Variants in HDLBP observed in about 807,000 individuals in gnomAD.
The protein encoded by HDLBP is high density lipoprotein binding protein, also known as vigilin.
In HDLBP, 30 loss-of-function variants were observed where a neutral mutation model predicts 137.3. That is an observed-to-expected ratio of 0.22 (90% CI 0.16 to 0.30). HDLBP has a LOEUF of 0.30. Ranked by LOEUF, HDLBP falls within the 10% of genes least tolerant of loss-of-function variation. The pLI is 1.00. For missense variants in HDLBP, 1,119 were observed against 1,667.3 expected, an observed-to-expected ratio of 0.67 and a Z score of 5.73; for synonymous variants, 606 against 596.0, an observed-to-expected ratio of 1.02 and a Z score of -0.24.
Position 241,273,512 on chromosome 2 carries a change from C to T in HDLBP, c.-102-4971G>A, listed in dbSNP as rs544912641. 7 of 838,538 alleles carry T rather than the reference C, an allele frequency of 8.3e-6. No homozygotes were observed. In the South Asian group the frequency reaches 3.8e-4, roughly 45 times the overall value. The allele number at this position is 838,538 out of a possible 1,614,324, so 51.9% of individuals were successfully genotyped here. A position where few individuals can be genotyped will look rare whatever the true frequency, so the allele number is the denominator to read the frequency against. On this transcript the variant is annotated intron_variant, in intron 1 of 27. Coordinates refer to ENST00000310931, the MANE Select transcript of HDLBP (RefSeq NM_005336.6). ...GGAATCCCTACTCTCGGGGTCTCCA[C>T]CCTCCGGGAAGGACTTGTCACTTCT...
chr2:241,285,271 T>G (rs950146977), intron 1 of HDLBP, among the ~76,000 whole-genome samples: 7 of 152,256 alleles, frequency 4.6e-5, no homozygotes, highest in South Asian at 2.1e-4. Flanking sequence ...ACTCATGTGA[T>G]GTGCTTTATT....
intron 8 of HDLBP, 88 bp from the exon 9 acceptor site, chr2:241,255,246 C>T: frequency 7.0e-7 from 1 of 1,434,256 alleles, no homozygotes; most frequent in East Asian, 2.3e-5. Flanking sequence ...GGCTCAGAGG[C>T]ACGCTCTCCC....
At chr2:241,282,615 A>G (rs1187004686) in intron 1 of HDLBP, among the ~76,000 whole-genome samples, 1 of 152,226 alleles carries the variant, frequency 6.6e-6, no homozygotes, top group Non-Finnish European at 1.5e-5. Flanking sequence ...CTCTTTTCCA[A>G]CAGCACATTT....
intron 4 of HDLBP, 71 bp from the exon 5 acceptor site, chr2:241,262,997 CAT>C: frequency 8.5e-7 from 1 of 1,177,092 alleles, no homozygotes; most frequent in Non-Finnish European, 1.2e-6. Flanking sequence ...GAGTAAAGAA[CAT>C]GTGTTCATCA....
chr2:241,302,779 A>G (rs1165172932), intron 1 of HDLBP: 1 of 152,182 alleles, frequency 6.6e-6, no homozygotes, highest in East Asian at 1.9e-4. Context: ...TAAATCTCCT[A>G]CTAGGCCAGG....
chr2:241,249,205 A>C (rs749863972), intron 12 of HDLBP, among the ~76,000 whole-genome samples: 16 of 152,146 alleles, frequency 1.1e-4, no homozygotes, highest in Non-Finnish European at 2.2e-4. Flanking sequence ...GGGTGAGGTG[A>C]ACAAAGAATC....
intron 21 of HDLBP, 48 bp from the exon 22 acceptor site, chr2:241,235,642 T>G (rs1574852296): frequency 2.9e-6 from 4 of 1,368,562 alleles, no homozygotes; most frequent in Middle Eastern, 1.8e-4. Flanking sequence ...GAGAGCAGAG[T>G]GACGTTGTAA....
At chr2:241,241,565 T>A (rs1446693301) in intron 17 of HDLBP, among the ~76,000 whole-genome samples, 1 of 34,270 alleles carries the variant, frequency 2.9e-5, no homozygotes, top group Non-Finnish European at 4.7e-5. Context: ...AGACTCCGTC[T>A]CAAAAAAAAA....
rs1428209388 is a variant in HDLBP at position 241,233,769 on chromosome 2, A to G, written c.3288+51T>C. On this transcript the variant is annotated intron_variant, in intron 24 of 27. Coordinates refer to ENST00000310931, the MANE Select transcript of HDLBP (RefSeq NM_005336.6). The surrounding 1 kb of genome is among the most constrained non-coding windows in gnomAD (Gnocchi z 4.3). ...CTGGTTACTGCTCCCAAGTCACAGG[A>G]AAGGTCAACAAGCACCTCTGCCCCC... is the stretch of plus-strand genomic sequence containing the variant. 6.2e-7 allele frequency: 1 copy of G among 1,609,142 alleles called. No individual in the cohort carries two copies. The highest frequency in any genetic ancestry group is 8.5e-7 in the Non-Finnish European group (1 of 1,177,052).
rs558991069 is a variant in HDLBP, at chr2:241,258,342, G to A, written c.451-1536C>T. ...AGCCTGGGCGACAGAGCAAGACTCC[G>A]TCTCAAAAAAAAAAAAAAAAAAAAA... On this transcript the variant is annotated intron_variant, in intron 5 of 27. Transcript: ENST00000310931. 3.9e-3 allele frequency among the ~76,000 whole-genome samples: 331 copies of A among 85,918 alleles called. 4 individuals are homozygous for A. Among genetic ancestry groups the A allele is most frequent in the East Asian group, 0.026 (82 of 3,112 alleles). The allele number at this position is 85,918 out of a possible 152,430, so 56.4% of individuals were successfully genotyped here.
rs1314150777 is a variant in HDLBP at position 241,230,643 on chromosome 2, C to A, written c.3474+116G>T. 2.2e-6 allele frequency: 2 copies of A among 890,108 alleles called. No individual in the cohort carries two copies. The highest frequency in any genetic ancestry group is 1.7e-5 in the African/African-American group (1 of 60,414). The allele number at this position is 890,108 out of a possible 1,614,324, so 55.1% of individuals were successfully genotyped here. A position where few individuals can be genotyped will look rare whatever the true frequency, so the allele number is the denominator to read the frequency against. Reference sequence around the variant, plus strand: ...CATGAGGACAGTTCCACTGCCAGCCCTGGGGTTGTGGCCTCATCATCTTGA... The same window carrying A: ...CATGAGGACAGTTCCACTGCCAGCCATGGGGTTGTGGCCTCATCATCTTGA... On this transcript the variant is annotated intron_variant, in intron 25 of 27. Transcript: ENST00000310931. This position sits in a 1 kb window ranked among gnomAD's most constrained non-coding sequence, Gnocchi z 5.0.
intron 4 of HDLBP, among the ~76,000 whole-genome samples, chr2:241,263,738 G>C (rs537243149): frequency 1.5e-4 from 23 of 152,270 alleles, no homozygotes; most frequent in African/African-American, 5.5e-4. Flanking sequence ...GTAGCAGAGA[G>C]AAGGGCTACT....
rs11897278 is a variant in HDLBP at position 241,227,731 on chromosome 2, C to T, written c.*1870G>A. The stretch of plus-strand genomic sequence containing the variant: ...CACTGTAGAAAAGACAGGAGGAACC[C>T]GCTGCGATGGAGATTGGGGGGAGCT... On this transcript the variant is annotated 3_prime_UTR_variant, in exon 28 of 28. Coordinates refer to ENST00000310931, the MANE Select transcript of HDLBP (RefSeq NM_005336.6). The T allele has an allele frequency of 0.015, 2,308 of 152,624 alleles. 63 individuals are homozygous for T. The highest frequency in any genetic ancestry group is 0.053 in the African/African-American group (2,196 of 41,526). 9.5% of individuals were successfully genotyped at this position (152,624 alleles called of 1,614,324 possible).
At chr2:241,277,360 CAT>C (rs1170697670) in intron 1 of HDLBP, among the ~76,000 whole-genome samples, 3 of 152,052 alleles carry the variant, frequency 2.0e-5, no homozygotes, top group African/African-American at 7.2e-5. Flanking sequence ...AACTAAAAGA[CAT>C]ATACCACAAA....
In HDLBP at chr2:241,242,604, C is replaced by G. The variant is rs2071351380; in HGVS notation, c.2025G>C (p.Leu675=). The stretch of plus-strand genomic sequence containing the variant: ...CGCACTCCTCCATGATGGAGCGGAT[C>G]AGACGGCCCTTGGTGCCAATGAGGG... ...HNSLIGTKGR[L]IRSIMEECGG... is the part of the protein sequence containing the mutation. Residue 675 remains leucine, a synonymous_variant, in exon 17 of 28, where the codon CTG becomes CTC. Coordinates refer to ENST00000310931, the MANE Select transcript of HDLBP (RefSeq NM_005336.6). The G allele has an allele frequency of 1.9e-6, 3 of 1,614,218 alleles. No homozygotes were observed. Among genetic ancestry groups the G allele is most frequent in the Non-Finnish European group, 2.5e-6 (3 of 1,180,042 alleles).
At chr2:241,302,057 A>T (rs984244555) in intron 1 of HDLBP, among the ~76,000 whole-genome samples, 7 of 150,998 alleles carry the variant, frequency 4.6e-5, no homozygotes, top group Admixed American at 3.3e-4. Flanking sequence ...ATAGCAAAAC[A>T]GAGTGAGACC....
intron 1 of HDLBP, among the ~76,000 whole-genome samples, chr2:241,300,983 T>C (rs2075378416): frequency 6.8e-6 from 1 of 147,094 alleles, no homozygotes; most frequent in Admixed American, 6.8e-5. Context: ...ATTATTATTA[T>C]TATTATTATT....
rs540711061 is a variant in HDLBP at position 241,277,030 on chromosome 2, T to C, written c.-102-8489A>G. Among the ~76,000 whole-genome samples, 13 of 150,612 alleles carry C rather than the reference T, an allele frequency of 8.6e-5. No homozygotes were observed. The East Asian group carries it at 2.5e-3, about 29-fold the overall frequency. On this transcript the variant is annotated intron_variant, in intron 1 of 27. Transcript: ENST00000310931. ...AAACAAATAGTAAAGAATTAAATCA[T>C]AGTAACATTCTCAGACCACCACTCA...
intron 14 of HDLBP, 200 bp from the exon 15 acceptor site, chr2:241,247,342 G>A (rs2071761537): frequency 1.7e-6 from 1 of 588,784 alleles, no homozygotes. Context: ...GTCAATCGAT[G>A]CAAGTCTACT....
Sources: allele counts gnomAD v4.1 joint callset (sites outside exome capture counted in the v4.1 genomes callset), GRCh38; gene constraint gnomAD v4.1.1; non-coding constraint Gnocchi (gnomAD v3.1); transcripts MANE v1.5; gene names NCBI Gene and HGNC (gene_info 2026-07-23, HGNC 2026-07-21).